MORC3: variants seen among roughly 807,000 people sequenced by gnomAD.
MORC3 encodes the protein MORC family CW-type zinc finger 3.
Under a neutral mutation model 109.1 loss-of-function variants are expected in MORC3, and 31 were observed. The observed-to-expected ratio is 0.28, with a 90% CI of 0.21 to 0.38. The LOEUF is 0.38. MORC3 is among the 10% of genes least tolerant of loss of function. The pLI, the probability that MORC3 is intolerant of heterozygous loss-of-function variation, is 1.00. For synonymous variants in MORC3, 395 were observed against 380.7 expected (o/e 1.04, Z -0.44); for missense variants, 867 against 1,135.8 (o/e 0.76, Z 3.40).
At chr21:36,363,330 C>G (rs994045561) in intron 13 of MORC3, among the ~76,000 whole-genome samples, 1 of 152,228 alleles carries the variant, frequency 6.6e-6, no homozygotes, top group African/African-American at 2.4e-5. Flanking sequence ...ACAAGAATTG[C>G]TTAAACCTGG....
chr21:36,367,876 C>T (rs191701538), intron 14 of MORC3, among the ~76,000 whole-genome samples: 1 of 152,260 alleles, frequency 6.6e-6, no homozygotes, highest in Admixed American at 6.5e-5. Context: ...AATAATTTTT[C>T]AACCCGGAAG....
In MORC3 at chr21:36,369,490, G is replaced by T; in HGVS notation, c.2122G>T (p.Glu708Ter). 1 of 1,614,148 alleles carries T rather than the reference G, an allele frequency of 6.2e-7. No individual in the cohort carries two copies. The highest frequency in any genetic ancestry group is 8.5e-7 in the Non-Finnish European group (1 of 1,180,018). ...ELRNQLLLVT[E>*]EKENYKRQCH... ...GAGAAACCAGCTACTCCTTGTCACT[G>T]AGGAAAAAGAGAATTATAAAAGACA... is the stretch of plus-strand genomic sequence containing the variant. The change falls in exon 15 of 17, where the codon GAG becomes TAG. Residue 708 changes from glutamate (E) to a stop codon, truncating the protein, a stop_gained. Transcript: ENST00000400485. LOFTEE classifies it high-confidence loss of function.
chr21:36,376,097 A>G lies in MORC3; in HGVS notation c.*801A>G, dbSNP rs2085926524. The G allele has an allele frequency of 6.6e-6, 1 of 152,488 alleles. No individual in the cohort carries two copies. Among genetic ancestry groups the G allele is most frequent in the Non-Finnish European group, 1.5e-5 (1 of 68,034 alleles). 9.4% of individuals were successfully genotyped at this position (152,488 alleles called of 1,614,324 possible). ...AATTTCCTGTACAGCCTTTTGTAGG[A>G]TTACTACAGGTTAATGTGAGTTGAG... On this transcript the variant is annotated 3_prime_UTR_variant, in exon 17 of 17. Coordinates refer to ENST00000400485, the MANE Select transcript of MORC3 (RefSeq NM_015358.3).
intron 14 of MORC3, among the ~76,000 whole-genome samples, chr21:36,367,970 CT>C (rs2085801212): frequency 6.6e-6 from 1 of 152,174 alleles, no homozygotes; most frequent in Non-Finnish European, 1.5e-5. Flanking sequence ...TTGTTATGTT[CT>C]GTGTACCCTT....
At chr21:36,362,393 A>G (rs2085728948) in intron 13 of MORC3, among the ~76,000 whole-genome samples, 165 bp downstream of exon 13, 1 of 151,884 alleles carries the variant, frequency 6.6e-6, no homozygotes, top group East Asian at 2.0e-4. Flanking sequence ...AAACACAAAA[A>G]TTAGCTGGAT....
intron 1 of MORC3, among the ~76,000 whole-genome samples, chr21:36,331,337 G>T (rs1177610771): frequency 6.6e-6 from 1 of 152,046 alleles, no homozygotes; most frequent in Admixed American, 6.6e-5. Flanking sequence ...GGTGGCTCAT[G>T]CCTGTAATCC....
intron 4 of MORC3, among the ~76,000 whole-genome samples, chr21:36,338,404 T>C (rs2085396984): frequency 6.6e-6 from 1 of 152,118 alleles, no homozygotes; most frequent in South Asian, 2.1e-4. Flanking sequence ...ACTTAGAAAA[T>C]AGGCTGAGCT....
intron 9 of MORC3, among the ~76,000 whole-genome samples, chr21:36,351,868 G>A (rs754640578): frequency 2.6e-5 from 4 of 152,246 alleles, no homozygotes; most frequent in Non-Finnish European, 5.9e-5. Flanking sequence ...CAGTATATTT[G>A]AAGAGATACC....
intron 14 of MORC3, among the ~76,000 whole-genome samples, chr21:36,364,553 G>A (rs371671893): frequency 1.7e-4 from 26 of 150,866 alleles, no homozygotes; most frequent in East Asian, 1.4e-3. Flanking sequence ...GCGTGGTGGC[G>A]GGCACCTGTA....
At position 36,341,485 on chromosome 21, in the gene MORC3, A is replaced by G. The variant is rs747627449; in HGVS notation, c.695A>G (p.Lys232Arg). The change falls in exon 6 of 17, where the codon AAG becomes AGG. Residue 232 changes from lysine to arginine, a missense_variant. By Grantham distance (26) the Lys-to-Arg change is conservative. This residue lies in a region of MORC3 where 134 missense variants were observed against 166.6 expected (regional missense o/e 0.80). Coordinates refer to ENST00000400485, the MANE Select transcript of MORC3 (RefSeq NM_015358.3). ...GATTTAGATGAGATAACAGGGAAGA[A>G]GGGGTACAAGAAGCAGGAAAGGATG... ...PEDLDEITGK[K>R]GYKKQERMDQ... 1.9e-6 allele frequency: 3 copies of G among 1,614,112 alleles called. No individual in the cohort carries two copies. The highest frequency in any genetic ancestry group is 2.5e-6 in the Non-Finnish European group (3 of 1,180,006).
chr21:36,351,948 A>C (rs555250453), intron 9 of MORC3, among the ~76,000 whole-genome samples: 3 of 152,340 alleles, frequency 2.0e-5, no homozygotes, highest in Admixed American at 6.5e-5. Context: ...TAGCCTTGTT[A>C]GTAAGCTCAA....
At position 36,344,623 on chromosome 21, in the gene MORC3, C is replaced by T. The variant is rs2085487681; in HGVS notation, c.801C>T (p.Ile267=). The T allele has an allele frequency of 1.2e-6, 2 of 1,614,088 alleles. No homozygotes were observed. The highest frequency in any genetic ancestry group is 1.7e-6 in the Non-Finnish European group (2 of 1,179,970). ...ATCTAAAGCCAAGAATGCAGATCAT[C>T]CTACGTGGACAGAAAGTGAAGACAC... The part of the protein sequence containing the change: ...ILYLKPRMQI[I]LRGQKVKTQL... The change falls in exon 7 of 17, where the codon ATC becomes ATT. Residue 267 remains isoleucine (I), a synonymous_variant. Coordinates refer to ENST00000400485, the MANE Select transcript of MORC3 (RefSeq NM_015358.3).
At chr21:36,341,110 A>G (rs1387717916) in intron 5 of MORC3, among the ~76,000 whole-genome samples, 5 of 152,230 alleles carry the variant, frequency 3.3e-5, no homozygotes, top group Non-Finnish European at 7.3e-5. Context: ...ATAAATATCT[A>G]GAAGTGTAAT....
At chr21:36,350,763 T>C (rs1380957217) in intron 9 of MORC3, among the ~76,000 whole-genome samples, 1 of 152,152 alleles carries the variant, frequency 6.6e-6, no homozygotes, top group Non-Finnish European at 1.5e-5. Context: ...CCTTTGAAAT[T>C]GAATCACTTT....
intron 10 of MORC3, among the ~76,000 whole-genome samples, chr21:36,358,121 C>T (rs1313971884): frequency 6.6e-6 from 1 of 152,076 alleles, no homozygotes. Flanking sequence ...TGGATCACAT[C>T]TGTAATCCCA....
In MORC3 at chr21:36,321,166, A is replaced by G. The variant is rs576123321; in HGVS notation, c.39+863A>G. ...ATGGGTAGTGACTCCTTGGGGTACA[A>G]ACACGTAGTGAATAATTGGTGCATT... On this transcript the variant is annotated intron_variant, in intron 1 of 16. Coordinates refer to ENST00000400485, the MANE Select transcript of MORC3 (RefSeq NM_015358.3). 2.0e-5 allele frequency among the ~76,000 whole-genome samples: 3 copies of G among 152,330 alleles called. No individual in the cohort carries two copies. In the South Asian group the frequency reaches 6.2e-4, roughly 32 times the overall value.
At chr21:36,326,253 G>A (rs1465820496) in intron 1 of MORC3, among the ~76,000 whole-genome samples, 1 of 151,740 alleles carries the variant, frequency 6.6e-6, no homozygotes, top group Non-Finnish European at 1.5e-5. Context: ...GCCAGGCTCG[G>A]TGGCTCATGC....
chr21:36,357,246 C>T (rs2085655161), intron 10 of MORC3, among the ~76,000 whole-genome samples: 1 of 152,096 alleles, frequency 6.6e-6, no homozygotes. Context: ...AATGAATGAA[C>T]AATATCTGTG....
intron 16 of MORC3, 127 bp downstream of exon 16, chr21:36,372,658 C>A: frequency 1.0e-6 from 1 of 958,618 alleles, no homozygotes. Context: ...CTGCTGTGAC[C>A]CTGGTGTTAT....
Sources: gnomAD v4.1 joint callset for allele counts (sites outside exome capture counted in the v4.1 genomes callset) on GRCh38, gnomAD v4.1.1 for gene constraint, gnomAD v4.1.1 regional missense constraint, MANE v1.5 for transcripts, NCBI Gene and HGNC (gene_info 2026-07-23, HGNC 2026-07-21) for gene names.